The following CCDC7 variants were observed in gnomAD, a reference collection of about 807,000 sequenced individuals.
CCDC7 encodes the protein coiled-coil domain-containing protein 7.
Under a neutral mutation model 196.9 loss-of-function variants are expected in CCDC7, and 183 were observed. The observed-to-expected ratio is 0.93, with a 90% CI of 0.82 to 1.05. The LOEUF (loss-of-function observed/expected upper bound fraction) is 1.05. CCDC7 is among the 50% of genes least tolerant of loss of function. The pLI is 0.00. For synonymous variants in CCDC7, 525 were observed against 484.6 expected (o/e 1.08, Z -1.10); for missense variants, 1,540 against 1,482.2 (o/e 1.04, Z -0.64).
At chr10:32,585,949 C>T (rs1438966733) in intron 18 of CCDC7, among the ~76,000 whole-genome samples, 2 of 152,176 alleles carry the variant, frequency 1.3e-5, no homozygotes, top group South Asian at 2.1e-4. Context: ...GGAATCGCCA[C>T]ACTGTCTTCC....
intron 11 of CCDC7, among the ~76,000 whole-genome samples, chr10:32,533,860 A>G (rs761956010): frequency 2.0e-4 from 31 of 151,934 alleles, no homozygotes; most frequent in Non-Finnish European, 4.3e-4. Flanking sequence ...GAGCTTCATT[A>G]TTATATGTCT....
chr10:32,858,565 C>G (rs971466001), intron 41 of CCDC7, among the ~76,000 whole-genome samples: 2 of 152,122 alleles, frequency 1.3e-5, no homozygotes, highest in Non-Finnish European at 2.9e-5. Flanking sequence ...ACAGCATAAT[C>G]TCAGATGATC....
At chr10:32,754,047 CT>C (rs1271827577) in intron 28 of CCDC7, among the ~76,000 whole-genome samples, 5 of 151,810 alleles carry the variant, frequency 3.3e-5, no homozygotes, top group African/African-American at 1.2e-4. Flanking sequence ...GATAAAATTC[CT>C]ATTGCTGCTA....
At chr10:32,461,980 C>T (rs901614005) in intron 3 of CCDC7, among the ~76,000 whole-genome samples, 5 of 151,708 alleles carry the variant, frequency 3.3e-5, no homozygotes, top group African/African-American at 9.7e-5. Context: ...CCATGTTGGT[C>T]AGGCTGGTCT....
chr10:32,698,383 A>G (rs183872911), intron 24 of CCDC7, among the ~76,000 whole-genome samples: 1 of 152,326 alleles, frequency 6.6e-6, no homozygotes, highest in African/African-American at 2.4e-5. Context: ...ACTTCAGAAG[A>G]TCGGTAATAA....
chr10:32,565,200 C>T (rs936057240), intron 13 of CCDC7, among the ~76,000 whole-genome samples: 7 of 152,126 alleles, frequency 4.6e-5, no homozygotes, highest in Non-Finnish European at 7.3e-5. Flanking sequence ...ATAGAATTTA[C>T]TCATTTGCAC....
At chr10:32,689,055 C>G in exon 23 of CCDC7, 1 of 1,561,748 alleles carries the variant, frequency 6.4e-7, no homozygotes, top group Non-Finnish European at 8.8e-7. Context: ...TTCTGTAGCT[C>G]CTGATAAAGA....
chr10:32,723,090 CCACCCTGTAGGGCCCCATGG>C (rs1240354583), intron 25 of CCDC7, among the ~76,000 whole-genome samples: 6 of 152,108 alleles, frequency 3.9e-5, no homozygotes, highest in African/African-American at 1.4e-4. Flanking sequence ...CCCTAGCAGA[CCACCCTGTAGGGCCCCATGG>C]CTCACTACCT....
intron 32 of CCDC7, among the ~76,000 whole-genome samples, chr10:32,833,185 A>T (rs1383709426): frequency 2.6e-5 from 4 of 152,112 alleles, no homozygotes; most frequent in African/African-American, 9.6e-5. Flanking sequence ...AAGAGGGAAT[A>T]GAAAATATAG....
intron 41 of CCDC7, among the ~76,000 whole-genome samples, chr10:32,858,391 C>T (rs763511511): frequency 2.8e-4 from 42 of 152,110 alleles, no homozygotes; most frequent in Non-Finnish European, 4.6e-4. Flanking sequence ...TGCAAAAATG[C>T]TCAATTAAAC....
chr10:32,730,458 T>C (rs1209819205), intron 28 of CCDC7, among the ~76,000 whole-genome samples: 4 of 152,006 alleles, frequency 2.6e-5, no homozygotes, highest in Non-Finnish European at 4.4e-5. Context: ...CCAAAAATTT[T>C]AAGCTTTACC....
intron 16 of CCDC7, chr10:32,574,321 T>C: frequency 1.9e-6 from 1 of 522,516 alleles, no homozygotes; most frequent in East Asian, 7.7e-5. Flanking sequence ...TATATAATAA[T>C]ATAATATATT....
At chr10:32,488,233 C>A (rs1031485350) in intron 8 of CCDC7, among the ~76,000 whole-genome samples, 1 of 152,184 alleles carries the variant, frequency 6.6e-6, no homozygotes, top group Non-Finnish European at 1.5e-5. Flanking sequence ...TTGATCTCAG[C>A]CTGCTGTGCT....
At chr10:32,523,692 C>T (rs11008958) in intron 11 of CCDC7, among the ~76,000 whole-genome samples, 52,074 of 151,776 alleles carry the variant, frequency 0.34, 11,321 homozygotes, top group Non-Finnish European at 0.49. Context: ...ATCATTATAT[C>T]CTCTTGCTGA....
intron 20 of CCDC7, among the ~76,000 whole-genome samples, chr10:32,639,606 C>G (rs536995845): frequency 6.0e-4 from 90 of 150,198 alleles, no homozygotes; most frequent in African/African-American, 2.1e-3. Context: ...GTCTGAGAGA[C>G]AGTTTGTTAT....
Position 32,805,014 on chromosome 10 carries a change from G to A in CCDC7, c.3014-1G>A, listed in dbSNP as rs2085537632. ...ATTTTTAAATCCATCTATTTCTATA[G>A]AGACTGATATAGAAAGCTTGAGAGG... On this transcript the variant is annotated splice_acceptor_variant, in intron 29 of 41. Transcript: ENST00000639629. LOFTEE classifies it high-confidence loss of function. 6.3e-7 allele frequency: 1 copy of A among 1,587,350 alleles called. No individual in the cohort carries two copies. Among genetic ancestry groups the A allele is most frequent in the African/African-American group, 1.3e-5 (1 of 74,384 alleles).
At chr10:32,744,289 A>T (rs1401644236) in intron 28 of CCDC7, among the ~76,000 whole-genome samples, 1 of 152,176 alleles carries the variant, frequency 6.6e-6, no homozygotes, top group Non-Finnish European at 1.5e-5. Flanking sequence ...ATGCCAGATT[A>T]AATGTAGAGA....
intron 5 of CCDC7, among the ~76,000 whole-genome samples, chr10:32,464,681 T>C (rs986654974): frequency 2.6e-5 from 4 of 152,214 alleles, no homozygotes; most frequent in Admixed American, 2.6e-4. Flanking sequence ...GGCTAATTGG[T>C]ATTTTTTTTA....
intron 9 of CCDC7, among the ~76,000 whole-genome samples, chr10:32,498,781 G>A (rs543240389): frequency 9.2e-5 from 14 of 151,652 alleles, no homozygotes; most frequent in Admixed American, 9.2e-4. Context: ...TCCTTTTGTG[G>A]GTAACCCGAC....
Sources: gnomAD v4.1 joint callset for allele counts (sites outside exome capture counted in the v4.1 genomes callset) on GRCh38, gnomAD v4.1.1 for gene constraint, MANE v1.5 for transcripts, NCBI Gene and HGNC (gene_info 2026-07-23, HGNC 2026-07-21) for gene names.